Variants in FMNL2 observed in about 807,000 individuals in gnomAD.
The protein encoded by FMNL2 is formin-like protein 2.
Under a neutral mutation model 130.2 loss-of-function variants are expected in FMNL2, and 51 were observed. The ratio of observed to expected loss-of-function variants is 0.39; its 90% confidence interval spans 0.31 to 0.49. The LOEUF is 0.49. Ranked by LOEUF, FMNL2 falls within the 20% of genes least tolerant of loss-of-function variation. FMNL2 has a pLI of 0.85. For synonymous variants in FMNL2, 465 were observed against 467.1 expected, an observed-to-expected ratio of 1.00 and a Z score of 0.06; for missense variants, 977 against 1,316.2, an observed-to-expected ratio of 0.74 and a Z score of 3.99.
At chr2:152,592,967 A>G (rs549286922) in intron 9 of FMNL2, among the ~76,000 whole-genome samples, 5 of 152,216 alleles carry the variant, frequency 3.3e-5, no homozygotes, top group Admixed American at 6.5e-5. Flanking sequence ...AGAACAGACC[A>G]TACTGTTTGT....
intron 1 of FMNL2, among the ~76,000 whole-genome samples, chr2:152,343,046 A>G (rs1264797397): frequency 6.6e-6 from 1 of 152,178 alleles, no homozygotes; most frequent in Non-Finnish European, 1.5e-5. Context: ...CTGTGATTCC[A>G]TGATCTTCAG....
intron 1 of FMNL2, among the ~76,000 whole-genome samples, chr2:152,364,252 G>A (rs1027499031): frequency 4.0e-5 from 5 of 125,774 alleles, no homozygotes; most frequent in African/African-American, 8.8e-5. Flanking sequence ...TCCGTTAGGA[G>A]GTTTGTGTGT....
At chr2:152,491,188 G>A (rs1291061321) in intron 1 of FMNL2, among the ~76,000 whole-genome samples, 1 of 152,142 alleles carries the variant, frequency 6.6e-6, no homozygotes, top group Non-Finnish European at 1.5e-5. Context: ...TGAACATCTG[G>A]CAAAGAAACT....
chr2:152,507,688 C>T (rs924820451), intron 1 of FMNL2, among the ~76,000 whole-genome samples: 3 of 152,042 alleles, frequency 2.0e-5, no homozygotes, highest in African/African-American at 7.2e-5. Context: ...TTGTCTGCAG[C>T]CACAGCCTCT....
intron 10 of FMNL2, among the ~76,000 whole-genome samples, chr2:152,610,293 A>G (rs1297040910): frequency 6.6e-6 from 1 of 152,234 alleles, no homozygotes; most frequent in Non-Finnish European, 1.5e-5. Context: ...ATATACCTAT[A>G]TGACTTTCAC....
At chr2:152,491,185 C>G (rs1691168131) in intron 1 of FMNL2, among the ~76,000 whole-genome samples, 1 of 152,222 alleles carries the variant, frequency 6.6e-6, no homozygotes, top group African/African-American at 2.4e-5. Context: ...AAATGAACAT[C>G]TGGCAAAGAA....
intron 1 of FMNL2, among the ~76,000 whole-genome samples, chr2:152,503,567 G>A (rs1691980579): frequency 6.6e-6 from 1 of 152,068 alleles, no homozygotes; most frequent in African/African-American, 2.4e-5. Context: ...ACTAAAGTTT[G>A]GTCAAGCAAA....
chr2:152,421,480 C>T (rs893962642), intron 1 of FMNL2, among the ~76,000 whole-genome samples: 5 of 152,142 alleles, frequency 3.3e-5, no homozygotes, highest in South Asian at 4.1e-4. Context: ...TGTAAATCTC[C>T]ATCCACAGGC....
intron 17 of FMNL2, 82 bp from the exon 18 acceptor site, chr2:152,628,217 T>G: frequency 8.4e-7 from 1 of 1,187,700 alleles, no homozygotes; most frequent in Admixed American, 1.8e-5. Context: ...GATGGATGGA[T>G]GAACCTGAAA....
intron 1 of FMNL2, among the ~76,000 whole-genome samples, chr2:152,451,158 GT>G (rs1688622185): frequency 6.6e-6 from 1 of 151,498 alleles, no homozygotes; most frequent in Admixed American, 6.6e-5. Flanking sequence ...GTTTTTTTTT[GT>G]TGTTGTTGAG....
intron 15 of FMNL2, among the ~76,000 whole-genome samples, chr2:152,622,043 A>G (rs1003029546): frequency 6.6e-6 from 1 of 152,132 alleles, no homozygotes; most frequent in Non-Finnish European, 1.5e-5. Context: ...TATAGAGAAA[A>G]TAGTAGTAGT....
At chr2:152,414,970 A>AT (rs144884568) in intron 1 of FMNL2, among the ~76,000 whole-genome samples, 3,667 of 152,246 alleles carry the variant, frequency 0.024, 138 homozygotes, top group African/African-American at 0.084. Context: ...GGAATGTGAG[A>AT]TATATGTGTG....
chr2:152,561,024 T>G lies in FMNL2; in HGVS notation c.585T>G (p.His195Gln), dbSNP rs761362909. Residue 195 changes from histidine (H) to glutamine (Q), a missense_variant, in exon 6 of 26, where the codon CAT (histidine) becomes CAG (glutamine). Transcript: ENST00000288670. ...VGNSVSRSGR[H>Q]SALRYNTLPS... is the part of the protein sequence containing the mutation. ...ACAGTGTCTCCCGCTCTGGAAGACA[T>G]TCTGCACTGCGGTGAGTTCGTTTAA... 1 of 1,598,342 alleles carries G rather than the reference T, an allele frequency of 6.3e-7. No individual in the cohort carries two copies. The highest frequency in any genetic ancestry group is 1.1e-5 in the South Asian group (1 of 88,566).
At chr2:152,439,922 C>G (rs1216664764) in intron 1 of FMNL2, among the ~76,000 whole-genome samples, 1 of 151,368 alleles carries the variant, frequency 6.6e-6, no homozygotes, top group African/African-American at 2.4e-5. Flanking sequence ...TTTTAAATCA[C>G]ATTTGTAGAT....
intron 21 of FMNL2, among the ~76,000 whole-genome samples, chr2:152,633,045 G>T (rs1304180965): frequency 2.0e-5 from 3 of 151,662 alleles, no homozygotes; most frequent in Non-Finnish European, 4.4e-5. Context: ...TCTCGTACAA[G>T]ATTTCTCATA....
chr2:152,569,960 A>C (rs1468891692), intron 6 of FMNL2, among the ~76,000 whole-genome samples: 1 of 151,818 alleles, frequency 6.6e-6, no homozygotes, highest in Non-Finnish European at 1.5e-5. Context: ...GCAGTGAGCC[A>C]AGAGTGCATC....
chr2:152,436,293 T>C (rs1687760826), intron 1 of FMNL2, among the ~76,000 whole-genome samples: 1 of 152,062 alleles, frequency 6.6e-6, no homozygotes, highest in Admixed American at 6.6e-5. Flanking sequence ...GGACTACTGG[T>C]GCACACTACT....
In FMNL2 at chr2:152,336,079, CT is replaced by C. The variant is rs5835420; in HGVS notation, c.117+368del. Among the ~76,000 whole-genome samples the C allele has an allele frequency of 3.5e-4, 45 of 128,762 alleles. 1 individual carries two copies. The South Asian group carries it at 7.7e-3, about 22-fold the overall frequency. The allele number at this position is 128,762 out of a possible 152,430, so 84.5% of individuals were successfully genotyped here. The stretch of plus-strand genomic sequence containing the variant: ...AGGAGGAGGTGGCGAGCCGCTTAGG[CT>C]TTTTTTTTAAAAAAAACAAAACAAA... On this transcript the variant is annotated intron_variant, in intron 1 of 25. Transcript: ENST00000288670.
At chr2:152,392,738 A>T (rs905125240) in intron 1 of FMNL2, among the ~76,000 whole-genome samples, 1 of 152,296 alleles carries the variant, frequency 6.6e-6, no homozygotes, top group African/African-American at 2.4e-5. Flanking sequence ...GAAGGGACAC[A>T]TTCAAACCAT....
Sources: gnomAD v4.1 joint callset for allele counts (sites outside exome capture counted in the v4.1 genomes callset) on GRCh38, gnomAD v4.1.1 for gene constraint, MANE v1.5 for transcripts, NCBI Gene and HGNC (gene_info 2026-07-23, HGNC 2026-07-21) for gene names.